Variants in NUF2 observed in about 807,000 individuals in gnomAD.
The protein encoded by NUF2 is kinetochore protein Nuf2.
NUF2 carries 34 observed loss-of-function variants against 61.8 expected under a neutral mutation model. The observed-to-expected ratio is 0.55, with a 90% CI of 0.42 to 0.73. NUF2 has a LOEUF of 0.73. NUF2 is among the 30% of genes least tolerant of loss of function. The pLI is 0.00. For missense variants in NUF2, 445 were observed against 539.1 expected (o/e 0.83, Z 1.73); for synonymous variants, 172 against 181.6 (o/e 0.95, Z 0.42).
chr1:163,325,949 C>T (rs1349623468), intron 1 of NUF2, 83 bp from the exon 2 acceptor site: 2 of 1,062,598 alleles, frequency 1.9e-6, no homozygotes, highest in African/African-American at 1.6e-5. Context: ...AACTTTGGCT[C>T]ATTTTGTCAT....
chr1:163,331,872 T>C (rs1222702993), intron 5 of NUF2, among the ~76,000 whole-genome samples: 3 of 151,924 alleles, frequency 2.0e-5, no homozygotes, highest in Admixed American at 2.0e-4. Context: ...TGTTTATTCT[T>C]TTTTTTTCCT....
At chr1:163,331,195 A>T (rs79102106) in intron 5 of NUF2, among the ~76,000 whole-genome samples, 6,054 of 151,858 alleles carry the variant, frequency 0.04, 149 homozygotes, top group South Asian at 0.085. Context: ...TTTTATCAGA[A>T]TGTACAACTT....
At chr1:163,342,375 A>G (rs1360524613) in intron 9 of NUF2, among the ~76,000 whole-genome samples, 2 of 152,160 alleles carry the variant, frequency 1.3e-5, no homozygotes, top group Admixed American at 1.3e-4. Context: ...TATAAAGAGG[A>G]GAAAAGTGAT....
At chr1:163,328,168 G>C in intron 3 of NUF2, 60 bp from the exon 4 acceptor site, 1 of 1,086,510 alleles carries the variant, frequency 9.2e-7, no homozygotes, top group Non-Finnish European at 1.4e-6. Context: ...CTTGGTTGAA[G>C]ATTTTTCTCA....
At chr1:163,345,877 G>A (rs1651107823) in intron 11 of NUF2, 59 bp downstream of exon 11, 7 of 1,214,028 alleles carry the variant, frequency 5.8e-6, no homozygotes, top group Admixed American at 2.5e-5. Flanking sequence ...ATAGTTCCTT[G>A]TATTTTGCTT....
At chr1:163,328,750 G>A (rs2101668015) in intron 4 of NUF2, 96 bp from the exon 5 acceptor site, 1 of 795,068 alleles carries the variant, frequency 1.3e-6, no homozygotes, top group Admixed American at 2.1e-5. Context: ...AATATATCCA[G>A]AAATCTCTTT....
intron 5 of NUF2, among the ~76,000 whole-genome samples, chr1:163,334,922 A>C (rs189963590): frequency 6.6e-6 from 1 of 152,076 alleles, no homozygotes; most frequent in East Asian, 1.9e-4. Flanking sequence ...TGACTGTACT[A>C]TGCCATTTTT....
At chr1:163,346,614 G>A (rs1651136108) in intron 11 of NUF2, among the ~76,000 whole-genome samples, 1 of 152,320 alleles carries the variant, frequency 6.6e-6, no homozygotes, top group African/African-American at 2.4e-5. Context: ...CAGCACTTCG[G>A]AAGGCTGAGG....
chr1:163,342,433 A>G (rs540210413), intron 9 of NUF2, among the ~76,000 whole-genome samples: 3 of 152,354 alleles, frequency 2.0e-5, no homozygotes, highest in South Asian at 4.1e-4. Flanking sequence ...CTTGTAGAGC[A>G]TTAAAAGAGT....
chr1:163,345,686 G>A lies in NUF2; in HGVS notation c.816G>A (p.Val272=). The change falls in exon 11 of 14, where the codon GTG becomes GTA. Residue 272 remains valine (V), a synonymous_variant. Coordinates refer to ENST00000271452, the MANE Select transcript of NUF2 (RefSeq NM_145697.3). ...VQKLKNARQE[V]VEKYEIYGDS... is the part of the protein sequence containing the mutation. The stretch of plus-strand genomic sequence containing the variant: ...TTTTTTGTCTTTCAAAGCAAGAAGT[G>A]GTGGAGAAATATGAAATCTATGGAG... The A allele has an allele frequency of 6.2e-7, 1 of 1,610,578 alleles. No individual in the cohort carries two copies. Among genetic ancestry groups the A allele is most frequent in the South Asian group, 1.1e-5 (1 of 89,996 alleles).
At chr1:163,342,100 G>A (rs928937785) in intron 9 of NUF2, among the ~76,000 whole-genome samples, 3 of 151,864 alleles carry the variant, frequency 2.0e-5, no homozygotes, top group Non-Finnish European at 2.9e-5. Flanking sequence ...TAGAAAGGAC[G>A]GTCCTATTCG....
At position 163,355,505 on chromosome 1, in the gene NUF2, C is replaced by T; in HGVS notation, c.*36C>T. On this transcript the variant is annotated 3_prime_UTR_variant, in exon 14 of 14. Transcript: ENST00000271452. ...TACATGTCTTTTTGTAAATGGCTTGCCATCTTTTAATTTTCTATTTAGAAA... is the reference window on the plus strand; with the variant it reads ...TACATGTCTTTTTGTAAATGGCTTGTCATCTTTTAATTTTCTATTTAGAAA... 1 of 1,548,692 alleles carries T rather than the reference C, an allele frequency of 6.5e-7. No homozygotes were observed.
At chr1:163,339,876 C>T (rs1650883779) in intron 8 of NUF2, among the ~76,000 whole-genome samples, 1 of 152,120 alleles carries the variant, frequency 6.6e-6, no homozygotes, top group African/African-American at 2.4e-5. Context: ...TTCACAGTTT[C>T]AGTTTTTGGT....
At chr1:163,327,021 T>C (rs903200038) in intron 2 of NUF2, among the ~76,000 whole-genome samples, 5 of 152,004 alleles carry the variant, frequency 3.3e-5, no homozygotes, top group Non-Finnish European at 7.4e-5. Context: ...CATTTATACC[T>C]CCTGATCAAG....
At chr1:163,345,411 A>G (rs569515587) in intron 10 of NUF2, among the ~76,000 whole-genome samples, 1 of 152,298 alleles carries the variant, frequency 6.6e-6, no homozygotes, top group Admixed American at 6.5e-5. Flanking sequence ...TATCATCATT[A>G]TTAACTTTTG....
chr1:163,328,430 A>G, intron 4 of NUF2, 126 bp downstream of exon 4: 1 of 567,292 alleles, frequency 1.8e-6, no homozygotes, highest in East Asian at 3.0e-5. Flanking sequence ...CATCCCATAT[A>G]CATTCATTCA....
At position 163,326,177 on chromosome 1, in the gene NUF2, A is replaced by G. The variant is rs751849560; in HGVS notation, c.123+3A>G. ...ATGATCTTTATCCAAATCCAAAGGTAAAAGGTGGTTACGTTTGCATGTGGA... is the reference window on the plus strand; with the variant it reads ...ATGATCTTTATCCAAATCCAAAGGTGAAAGGTGGTTACGTTTGCATGTGGA... On this transcript the variant is annotated splice_donor_region_variant and intron_variant, in intron 2 of 13. Coordinates refer to ENST00000271452, the MANE Select transcript of NUF2 (RefSeq NM_145697.3). 1 of 1,611,780 alleles carries G rather than the reference A, an allele frequency of 6.2e-7. No homozygotes were observed. The highest frequency in any genetic ancestry group is 8.5e-7 in the Non-Finnish European group (1 of 1,178,588).
chr1:163,349,924 A>G (rs1651255841), intron 13 of NUF2, among the ~76,000 whole-genome samples: 1 of 150,412 alleles, frequency 6.6e-6, no homozygotes, highest in Admixed American at 6.6e-5. Context: ...TTTTTTTTCT[A>G]TACCTCAACT....
chr1:163,354,768 T>C (rs1651433112), intron 13 of NUF2, among the ~76,000 whole-genome samples: 1 of 152,106 alleles, frequency 6.6e-6, no homozygotes, highest in Admixed American at 6.5e-5. Flanking sequence ...AAGTATGAAA[T>C]AGAAGAAAAT....
Sources: allele counts gnomAD v4.1 joint callset (sites outside exome capture counted in the v4.1 genomes callset), GRCh38; gene constraint gnomAD v4.1.1; transcripts MANE v1.5; gene names NCBI Gene and HGNC (gene_info 2026-07-23, HGNC 2026-07-21).